The following OR1J2 variants were observed in gnomAD, a reference collection of about 807,000 sequenced individuals.
OR1J2 encodes the protein olfactory receptor 1J2.
For synonymous variants in OR1J2, 142 were observed against 99.7 expected (o/e 1.42, Z -2.52); for missense variants, 304 against 246.1 (o/e 1.24, Z -1.57).
chr9:122,559,902 T>C, the OR1J2 span, among the ~76,000 whole-genome samples: 1 of 152,324 alleles, frequency 6.6e-6, no homozygotes, highest in South Asian at 2.1e-4. Flanking sequence ...TTCTGTCTCA[T>C]TGATCAGTCT....
At chr9:122,467,576 A>G in the OR1J2 span, among the ~76,000 whole-genome samples, 1 of 152,232 alleles carries the variant, frequency 6.6e-6, no homozygotes, top group African/African-American at 2.4e-5. Flanking sequence ...GATATTTTCA[A>G]AATTCATAGT....
chr9:122,562,035 G>A, the OR1J2 span, among the ~76,000 whole-genome samples: 4 of 152,178 alleles, frequency 2.6e-5, no homozygotes, highest in Admixed American at 2.0e-4. Context: ...AGCCCCTGGC[G>A]GGAGTTGTTG....
At chr9:122,518,958 C>T in the OR1J2 span, among the ~76,000 whole-genome samples, 2 of 152,196 alleles carry the variant, frequency 1.3e-5, no homozygotes, top group African/African-American at 4.8e-5. Context: ...CGAATTATCC[C>T]ATTTTGAGTG....
At chr9:122,570,451 TA>T in the OR1J2 span, among the ~76,000 whole-genome samples, 891 of 152,364 alleles carry the variant, frequency 5.8e-3, 7 homozygotes, top group African/African-American at 0.021. Context: ...ATTGATGTAC[TA>T]AAAAATTAAA....
chr9:122,555,274 C>T, the OR1J2 span, among the ~76,000 whole-genome samples: 1 of 152,164 alleles, frequency 6.6e-6, no homozygotes, highest in African/African-American at 2.4e-5. Context: ...GCTTAAGGAT[C>T]TTCCTTTAAG....
the OR1J2 span, among the ~76,000 whole-genome samples, chr9:122,541,192 T>C: frequency 9.8e-5 from 15 of 152,326 alleles, 1 homozygote; most frequent in South Asian, 3.1e-3. Flanking sequence ...CTTCCTTGCC[T>C]GTTCAACTCT....
the OR1J2 span, among the ~76,000 whole-genome samples, chr9:122,451,687 T>G: frequency 6.6e-6 from 1 of 152,234 alleles, no homozygotes; most frequent in Admixed American, 6.5e-5. Flanking sequence ...AAATTCTTTA[T>G]TACCTGTAGC....
the OR1J2 span, among the ~76,000 whole-genome samples, chr9:122,523,931 C>T: frequency 1.3e-5 from 2 of 152,140 alleles, no homozygotes; most frequent in East Asian, 1.9e-4. Context: ...TACCAAGGTG[C>T]AAAGATTTAT....
the OR1J2 span, among the ~76,000 whole-genome samples, chr9:122,490,414 G>A: frequency 3.9e-5 from 6 of 152,116 alleles, no homozygotes; most frequent in African/African-American, 1.4e-4. Context: ...TCATTGGCTT[G>A]TTATATCTGC....
chr9:122,458,770 G>A, the OR1J2 span, among the ~76,000 whole-genome samples: 1 of 152,072 alleles, frequency 6.6e-6, no homozygotes, highest in Non-Finnish European at 1.5e-5. Context: ...ATCATGGGGG[G>A]TGTTGCTTTT....
At chr9:122,553,909 C>T in the OR1J2 span, 4 of 1,614,044 alleles carry the variant, frequency 2.5e-6, 1 homozygote, top group South Asian at 4.4e-5. Context: ...GTCATCTCAT[C>T]TCCTGGAGGG....
the OR1J2 span, chr9:122,519,498 T>A: frequency 2.5e-6 from 4 of 1,614,184 alleles, no homozygotes; most frequent in Non-Finnish European, 3.4e-6. Context: ...TTCAATGGCA[T>A]ACGATCGGTA....
the OR1J2 span, among the ~76,000 whole-genome samples, chr9:122,578,649 A>G: frequency 2.2e-3 from 341 of 152,188 alleles, 3 homozygotes; most frequent in African/African-American, 7.7e-3. Flanking sequence ...AATGGCATTC[A>G]CGGCAACCTG....
chr9:122,515,386 G>GTGTGTGTGTGTT, downstream of OR1J2, among the ~76,000 whole-genome samples: 1 of 151,738 alleles, frequency 6.6e-6, no homozygotes, highest in East Asian at 1.9e-4. Flanking sequence ...GTGTGTGTGT[G>GTGTGTGTGTGTT]TGTGTATACG....
At chr9:122,535,838 A>G in the OR1J2 span, among the ~76,000 whole-genome samples, 13 of 152,138 alleles carry the variant, frequency 8.5e-5, no homozygotes, top group Non-Finnish European at 1.8e-4. Flanking sequence ...CTGAGTCGGA[A>G]AAGGGAGTCA....
At chr9:122,485,651 G>A in the OR1J2 span, among the ~76,000 whole-genome samples, 1 of 152,358 alleles carries the variant, frequency 6.6e-6, no homozygotes, top group South Asian at 2.1e-4. Context: ...TCCTGGGAGA[G>A]AGAGCCCTAT....
At chr9:122,496,524 AT>A in the OR1J2 span, among the ~76,000 whole-genome samples, 2 of 152,166 alleles carry the variant, frequency 1.3e-5, no homozygotes, top group African/African-American at 4.8e-5. Flanking sequence ...GTCTCAGTTA[AT>A]TTAGAACATT....
the OR1J2 span, chr9:122,553,317 G>A: frequency 5.0e-6 from 8 of 1,613,922 alleles, no homozygotes; most frequent in Non-Finnish European, 6.8e-6. Context: ...CATCTTCCTT[G>A]GCATGTACCT....
the OR1J2 span, among the ~76,000 whole-genome samples, chr9:122,546,199 G>A: frequency 6.6e-6 from 1 of 152,136 alleles, no homozygotes; most frequent in African/African-American, 2.4e-5. Flanking sequence ...CAGGCTCTTG[G>A]GAGGGGCCGA....
Sources: allele counts gnomAD v4.1 joint callset (sites outside exome capture counted in the v4.1 genomes callset), GRCh38; gene constraint gnomAD v4.1.1; transcripts MANE v1.5; gene names NCBI Gene and HGNC (gene_info 2026-07-23, HGNC 2026-07-21).